TMEM178B: variants seen among roughly 807,000 people sequenced by gnomAD.
TMEM178B encodes transmembrane protein 178B.
TMEM178B carries 5 observed loss-of-function variants against 31.0 expected under a neutral mutation model. The ratio of observed to expected loss-of-function variants is 0.16; its 90% CI spans 0.08 to 0.34. The LOEUF (loss-of-function observed/expected upper bound fraction) is 0.34. Ranked by LOEUF, TMEM178B falls within the 10% of genes least tolerant of loss-of-function variation. The probability of loss-of-function intolerance (pLI) is 1.00; values close to 1 mark genes in which losing one functional copy is unlikely to be tolerated. For synonymous variants in TMEM178B, 164 were observed against 164.0 expected, an observed-to-expected ratio of 1.00 and a Z score of 0.00; for missense variants, 275 against 400.3, an observed-to-expected ratio of 0.69 and a Z score of 2.67.
At chr7:141,137,256 G>A (rs1343153242) in intron 1 of TMEM178B, among the ~76,000 whole-genome samples, 2 of 152,144 alleles carry the variant, frequency 1.3e-5, no homozygotes, top group Non-Finnish European at 2.9e-5. Flanking sequence ...AGGGATACCT[G>A]CACCCCTATG....
chr7:141,203,228 T>G (rs917565040), intron 1 of TMEM178B, among the ~76,000 whole-genome samples: 5 of 152,246 alleles, frequency 3.3e-5, no homozygotes, highest in African/African-American at 1.2e-4. Flanking sequence ...TGTCTTTTTT[T>G]GTTGGTGGTT....
chr7:141,481,953 C>A (rs768604464), downstream of TMEM178B, among the ~76,000 whole-genome samples: 12 of 152,118 alleles, frequency 7.9e-5, no homozygotes, highest in Non-Finnish European at 1.3e-4. Context: ...GCTGCAGCAT[C>A]GTGACCTGAG....
chr7:141,133,465 C>T (rs891055987), intron 1 of TMEM178B, among the ~76,000 whole-genome samples: 5 of 151,884 alleles, frequency 3.3e-5, no homozygotes, highest in Non-Finnish European at 5.9e-5. Flanking sequence ...TTGAGAGCTT[C>T]GATAACAGAC....
chr7:141,296,795 T>C (rs1187878545), intron 2 of TMEM178B, among the ~76,000 whole-genome samples: 1 of 152,182 alleles, frequency 6.6e-6, no homozygotes, highest in East Asian at 1.9e-4. Flanking sequence ...CTCTGCACCG[T>C]CTCCCATCTC....
At chr7:141,390,444 C>A (rs1201002341) in intron 2 of TMEM178B, among the ~76,000 whole-genome samples, 1 of 152,236 alleles carries the variant, frequency 6.6e-6, no homozygotes, top group Non-Finnish European at 1.5e-5. Flanking sequence ...TCAGACAGAT[C>A]AGCTCCCACT....
At chr7:141,361,969 C>T (rs1035841205) in intron 2 of TMEM178B, among the ~76,000 whole-genome samples, 1 of 152,202 alleles carries the variant, frequency 6.6e-6, no homozygotes, top group Non-Finnish European at 1.5e-5. Context: ...CACTTTCAAA[C>T]TCACCCTTCT....
At chr7:141,488,897 A>G in the TMEM178B span, among the ~76,000 whole-genome samples, 1 of 152,084 alleles carries the variant, frequency 6.6e-6, no homozygotes, top group East Asian at 1.9e-4. Flanking sequence ...CTTAAATTTA[A>G]TTTTTTTCCC....
At chr7:141,085,014 G>A (rs1303354584) in intron 1 of TMEM178B, among the ~76,000 whole-genome samples, 1 of 152,200 alleles carries the variant, frequency 6.6e-6, no homozygotes, top group African/African-American at 2.4e-5. Flanking sequence ...GAGTAGCTGG[G>A]ATTACAGGTG....
At chr7:141,467,368 A>G (rs938571607) in intron 3 of TMEM178B, among the ~76,000 whole-genome samples, 9 of 152,170 alleles carry the variant, frequency 5.9e-5, no homozygotes, top group African/African-American at 2.2e-4. Context: ...ATGCATCCAC[A>G]CACATGCACA....
rs182470738 is a variant in TMEM178B, at chr7:141,300,086, G to A, written c.496+87382G>A. On this transcript the variant is annotated intron_variant, in intron 2 of 3. Transcript: ENST00000565468. Reference sequence around the variant, plus strand: ...GGTGTGAGCCACCATACCTGGCCCCGCTTGTTTGTATTTTAATTCAATGTC... The same window carrying A: ...GGTGTGAGCCACCATACCTGGCCCCACTTGTTTGTATTTTAATTCAATGTC... Among the ~76,000 whole-genome samples, 79 of 152,244 alleles carry A rather than the reference G, an allele frequency of 5.2e-4. 1 individual carries two copies. Among genetic ancestry groups the A allele is most frequent in the African/African-American group, 1.8e-3 (76 of 41,538 alleles).
chr7:141,310,779 A>G (rs1452847265), intron 2 of TMEM178B, among the ~76,000 whole-genome samples: 1 of 152,242 alleles, frequency 6.6e-6, no homozygotes, highest in Non-Finnish European at 1.5e-5. Flanking sequence ...ATACCATTTG[A>G]CCCAGCAATC....
the TMEM178B span, among the ~76,000 whole-genome samples, chr7:141,485,665 G>A: frequency 6.6e-6 from 1 of 152,228 alleles, no homozygotes; most frequent in Non-Finnish European, 1.5e-5. Context: ...AGTGGGAAAG[G>A]ATTTTCTGTG....
At chr7:141,412,827 C>T (rs961930666) in intron 2 of TMEM178B, among the ~76,000 whole-genome samples, 3 of 152,110 alleles carry the variant, frequency 2.0e-5, no homozygotes, top group African/African-American at 4.8e-5. Context: ...TCCCATTTTA[C>T]AGAGGGGGAA....
chr7:141,212,160 C>A (rs576055134), intron 1 of TMEM178B, among the ~76,000 whole-genome samples: 2 of 152,270 alleles, frequency 1.3e-5, no homozygotes, highest in South Asian at 4.2e-4. Context: ...CCCCACCCAC[C>A]ATTCCCCCAG....
intron 1 of TMEM178B, among the ~76,000 whole-genome samples, chr7:141,136,661 A>C (rs1465255714): frequency 6.6e-6 from 1 of 152,186 alleles, no homozygotes; most frequent in Non-Finnish European, 1.5e-5. Context: ...TAAGGAACTC[A>C]AACAACTCAA....
In TMEM178B at chr7:141,463,628, C is replaced by T. The variant is rs570866945; in HGVS notation, c.635-6908C>T. Among the ~76,000 whole-genome samples the T allele has an allele frequency of 5.3e-4, 81 of 152,318 alleles. 1 individual carries two copies. The highest frequency in any genetic ancestry group is 1.8e-3 in the African/African-American group (74 of 41,570). On this transcript the variant is annotated intron_variant, in intron 3 of 3. Transcript: ENST00000565468. ...AAACCACTGGGGGAGATGCTACTTC[C>T]GAAGAAGGCCAGGGACAGTCTGAGA... is the stretch of plus-strand genomic sequence containing the variant.
intron 2 of TMEM178B, among the ~76,000 whole-genome samples, chr7:141,342,503 C>A (rs148869197): frequency 0.012 from 1,897 of 152,350 alleles, 20 homozygotes; most frequent in South Asian, 0.035. Flanking sequence ...ATTTTGTCTT[C>A]AAGATCCAGC....
At chr7:141,215,859 CTTTCTTTCTT>C (rs1797134067) in intron 2 of TMEM178B, among the ~76,000 whole-genome samples, 1 of 100,772 alleles carries the variant, frequency 9.9e-6, no homozygotes, top group Non-Finnish European at 2.1e-5. Context: ...TTTTCTTTCT[CTTTCTTTCTT>C]TTCCTCCTTC....
chr7:141,443,311 G>A (rs1801695558), intron 3 of TMEM178B, among the ~76,000 whole-genome samples: 1 of 152,134 alleles, frequency 6.6e-6, no homozygotes, highest in Non-Finnish European at 1.5e-5. Context: ...AGCTGACTCC[G>A]ATTCCCTCAG....
Sources: gnomAD v4.1 joint callset for allele counts (sites outside exome capture counted in the v4.1 genomes callset) on GRCh38, gnomAD v4.1.1 for gene constraint, MANE v1.5 for transcripts, NCBI Gene and HGNC (gene_info 2026-07-23, HGNC 2026-07-21) for gene names.